OTOP1: variants seen among roughly 807,000 people sequenced by gnomAD.
OTOP1 encodes the protein otopetrin 1.
Under a neutral mutation model 52.9 loss-of-function variants are expected in OTOP1, and 59 were observed. The observed-to-expected ratio is 1.12, with a 90% CI of 0.91 to 1.39. The LOEUF (loss-of-function observed/expected upper bound fraction) is 1.39, where lower values mean the gene tolerates loss of function less well. Among genes scored for constraint, OTOP1 ranks in the 40% most tolerant of loss-of-function variants. The probability of loss-of-function intolerance (pLI) is 0.00; values close to 1 mark genes in which losing one functional copy is unlikely to be tolerated. For missense variants in OTOP1, 761 were observed against 800.9 expected (o/e 0.95, Z 0.60); for synonymous variants, 317 against 337.7 (o/e 0.94, Z 0.67).
At chr4:4,214,870 G>C (rs1001957477) in intron 1 of OTOP1, among the ~76,000 whole-genome samples, 6 of 152,258 alleles carry the variant, frequency 3.9e-5, no homozygotes, top group Admixed American at 3.9e-4. Context: ...TCTGGAGGTT[G>C]GTTGCACAAA....
chr4:4,195,460 C>A (rs1238131914), intron 5 of OTOP1, among the ~76,000 whole-genome samples: 1 of 152,168 alleles, frequency 6.6e-6, no homozygotes, highest in African/African-American at 2.4e-5. Context: ...GTGAGGGGTG[C>A]CCATGTGAGA....
intron 4 of OTOP1, among the ~76,000 whole-genome samples, chr4:4,200,101 G>A (rs62286877): frequency 5.3e-5 from 8 of 152,198 alleles, no homozygotes; most frequent in South Asian, 2.1e-4. Flanking sequence ...ATAACCAAAC[G>A]TTCACAGCAT....
intron 2 of OTOP1, 81 bp from the exon 3 acceptor site, chr4:4,206,211 CAAAG>C: frequency 5.9e-6 from 7 of 1,195,958 alleles, no homozygotes; most frequent in Non-Finnish European, 8.4e-6. Flanking sequence ...CTATAAAACT[CAAAG>C]AAAATGTATG....
chr4:4,206,397 T>C (rs1229753776), intron 2 of OTOP1, among the ~76,000 whole-genome samples: 1 of 152,162 alleles, frequency 6.6e-6, no homozygotes, highest in African/African-American at 2.4e-5. Context: ...ATGGGGGTGA[T>C]TGATTGAGGA....
intron 2 of OTOP1, among the ~76,000 whole-genome samples, 174 bp from the exon 3 acceptor site, chr4:4,206,304 G>A (rs1240755125): frequency 3.9e-5 from 6 of 152,208 alleles, no homozygotes; most frequent in Admixed American, 1.3e-4. Flanking sequence ...AATGATCCAG[G>A]AGTACTGTGC....
intron 1 of OTOP1, among the ~76,000 whole-genome samples, chr4:4,220,915 C>T (rs1560211789): frequency 6.6e-6 from 1 of 152,086 alleles, no homozygotes; most frequent in Non-Finnish European, 1.5e-5. Context: ...GAATGCTTTC[C>T]AATGCATCAT....
chr4:4,214,609 A>G (rs1717097537), intron 1 of OTOP1, among the ~76,000 whole-genome samples: 1 of 152,232 alleles, frequency 6.6e-6, no homozygotes, highest in African/African-American at 2.4e-5. Context: ...ACAACAAAAT[A>G]TTATTCAGTT....
At chr4:4,213,598 G>T (rs574356466) in intron 1 of OTOP1, among the ~76,000 whole-genome samples, 1 of 152,034 alleles carries the variant, frequency 6.6e-6, no homozygotes, top group Non-Finnish European at 1.5e-5. Context: ...ATTTTACTTC[G>T]CATAATGTCG....
chr4:4,206,116 C>T lies in OTOP1; in HGVS notation c.555G>A (p.Trp185Ter). Residue 185 changes from tryptophan (W) to a stop codon, truncating the protein, a stop_gained, in exon 3 of 6, where the codon TGG (tryptophan) becomes TGA (stop). Coordinates refer to ENST00000296358, the MANE Select transcript of OTOP1 (RefSeq NM_177998.3). LOFTEE classifies it high-confidence loss of function. Reference protein sequence around the residue: ...VHTLLQVYFLWGHAKDIIQSF... With the variant: ...VHTLLQVYFL ...ACTGGATAATATCCTTTGCATGCCCCCAAAGAAAATATACCTAGATGGAAA... is the reference window on the plus strand; with the variant it reads ...ACTGGATAATATCCTTTGCATGCCCTCAAAGAAAATATACCTAGATGGAAA... 1 of 1,606,402 alleles carries T rather than the reference C, an allele frequency of 6.2e-7. No homozygotes were observed. Among genetic ancestry groups the T allele is most frequent in the Non-Finnish European group, 8.5e-7 (1 of 1,173,464 alleles).
chr4:4,212,791 T>C, intron 2 of OTOP1, 77 bp downstream of exon 2: 2 of 1,525,112 alleles, frequency 1.3e-6, no homozygotes, highest in South Asian at 2.3e-5. Context: ...CCACACGTCT[T>C]GATGTTACAA....
At chr4:4,222,549 C>T (rs185458038) in intron 1 of OTOP1, among the ~76,000 whole-genome samples, 12 of 152,254 alleles carry the variant, frequency 7.9e-5, no homozygotes, top group South Asian at 4.1e-4. Context: ...CAGCCACATT[C>T]GCTTGTTTGT....
chr4:4,201,991 A>ATACAAGCCAATACAG (rs1716799136), intron 4 of OTOP1, among the ~76,000 whole-genome samples: 1 of 152,234 alleles, frequency 6.6e-6, no homozygotes, highest in Non-Finnish European at 1.5e-5. Flanking sequence ...CAATACAGTT[A>ATACAAGCCAATACAG]AATTAAAACT....
At position 4,200,821 on chromosome 4, in the gene OTOP1, G is replaced by A. The variant is rs535090225; in HGVS notation, c.730+1627C>T. Among the ~76,000 whole-genome samples the A allele has an allele frequency of 2.7e-5, 4 of 149,070 alleles. No individual in the cohort carries two copies. In the East Asian group the frequency reaches 8.0e-4, roughly 30 times the overall value. ...AATGCTCCAGCCTCGGGATTACAAA[G>A]TGCTCAGATTACAGGCATGAGTCAC... On this transcript the variant is annotated intron_variant, in intron 4 of 5. Transcript: ENST00000296358.
chr4:4,225,905 G>A (rs997120908), intron 1 of OTOP1, among the ~76,000 whole-genome samples: 1 of 152,186 alleles, frequency 6.6e-6, no homozygotes, highest in Non-Finnish European at 1.5e-5. Context: ...GAGAAGCTTC[G>A]CGGGGAGAAT....
intron 2 of OTOP1, among the ~76,000 whole-genome samples, chr4:4,210,449 C>G (rs544472625): frequency 6.6e-6 from 1 of 152,200 alleles, no homozygotes; most frequent in Non-Finnish European, 1.5e-5. Context: ...TGAGGCCTCT[C>G]TCTTTGGCTT....
At chr4:4,216,874 T>C (rs1219449323) in intron 1 of OTOP1, among the ~76,000 whole-genome samples, 1 of 152,180 alleles carries the variant, frequency 6.6e-6, no homozygotes, top group Non-Finnish European at 1.5e-5. Flanking sequence ...TCCACAGCAG[T>C]GGTTCTCAAA....
intron 4 of OTOP1, among the ~76,000 whole-genome samples, chr4:4,199,231 T>A (rs1177695053): frequency 4.2e-5 from 4 of 95,814 alleles, no homozygotes; most frequent in Admixed American, 2.0e-4. Context: ...TGTGTGTGTG[T>A]GTGAGAGAGA....
At chr4:4,206,228 A>G in intron 2 of OTOP1, 98 bp from the exon 3 acceptor site, 1 of 1,011,562 alleles carries the variant, frequency 9.9e-7, no homozygotes, top group Non-Finnish European at 1.5e-6. Context: ...AATGTATGAG[A>G]AAATGCTGGG....
At chr4:4,205,422 TC>T (rs1716880586) in intron 3 of OTOP1, among the ~76,000 whole-genome samples, 4 of 152,162 alleles carry the variant, frequency 2.6e-5, no homozygotes, top group Non-Finnish European at 1.5e-5. Context: ...TCTTGCTACC[TC>T]CCCTTCCTTT....
Sources: allele counts gnomAD v4.1 joint callset (sites outside exome capture counted in the v4.1 genomes callset), GRCh38; gene constraint gnomAD v4.1.1; transcripts MANE v1.5; gene names NCBI Gene and HGNC (gene_info 2026-07-23, HGNC 2026-07-21).